VCL: variants seen among roughly 807,000 people sequenced by gnomAD.
VCL encodes the protein epididymis luminal protein 114.
In VCL, 47 loss-of-function variants were observed where a neutral mutation model predicts 125.7. The observed-to-expected ratio is 0.37, with a 90% confidence interval of 0.30 to 0.48. The LOEUF is 0.48. VCL is among the 20% of genes least tolerant of loss of function. The pLI is 0.99. For synonymous variants in VCL, 458 were observed against 514.6 expected (o/e 0.89, Z 1.49); for missense variants, 1,069 against 1,455.5 (o/e 0.73, Z 4.32).
chr10:74,082,569 G>A, intron 7 of VCL, 25 bp downstream of exon 7: 1 of 1,610,308 alleles, frequency 6.2e-7, no homozygotes, highest in South Asian at 1.1e-5. Flanking sequence ...CTGCTTTTCT[G>A]ATCAATACAA....
At chr10:74,060,525 G>A (rs568472568) in intron 2 of VCL, among the ~76,000 whole-genome samples, 20 of 151,516 alleles carry the variant, frequency 1.3e-4, no homozygotes, top group African/African-American at 4.4e-4. Flanking sequence ...GCATAGTGGC[G>A]CATTCCTGTA....
At chr10:74,105,939 C>T (rs1241549089) in intron 16 of VCL, among the ~76,000 whole-genome samples, 2 of 95,282 alleles carry the variant, frequency 2.1e-5, no homozygotes, top group Admixed American at 1.4e-4. Context: ...TTTTTTGAGA[C>T]GGAGTTTTGC....
intron 2 of VCL, among the ~76,000 whole-genome samples, chr10:74,053,129 G>A (rs1004242200): frequency 3.3e-5 from 5 of 151,862 alleles, no homozygotes; most frequent in African/African-American, 1.2e-4. Flanking sequence ...TTTGAAACAG[G>A]TTATGTAAGA....
chr10:74,071,066 C>G lies in VCL; in HGVS notation c.482C>G (p.Thr161Arg), dbSNP rs376226543. ...ACTATGGAAGATTTGGTCACTTACA[C>G]AAAGAATCTTGGGCCAGGTTAGTTT... Reference protein sequence around the residue: ...VETMEDLVTYTKNLGPGMTKM... With the variant: ...VETMEDLVTYRKNLGPGMTKM... The change falls in exon 4 of 22, where the codon ACA becomes AGA. Residue 161 changes from threonine to arginine, a missense_variant. Around this residue, in one of 6 missense-constraint regions of VCL, gnomAD observed 760 missense variants for 928.9 expected, o/e 0.82. Coordinates refer to ENST00000211998, the MANE Select transcript of VCL (RefSeq NM_014000.3). This position sits in a 1 kb window ranked among gnomAD's most constrained non-coding sequence, Gnocchi z 4.1. 4.3e-6 allele frequency: 7 copies of G among 1,614,084 alleles called. No homozygotes were observed. Among genetic ancestry groups the G allele is most frequent in the Non-Finnish European group, 5.9e-6 (7 of 1,179,950 alleles).
Position 74,114,852 on chromosome 10 carries a change from G to A in VCL, c.3211G>A (p.Ala1071Thr). ...TQLKILSTVKATMLGRTNISD... is the reference protein window; with the variant it reads ...TQLKILSTVKTTMLGRTNISD... ...GCTCAAAATCCTGTCCACAGTGAAGGCCACCATGCTGGGCCGGACCAACAT... is the reference window on the plus strand; with the variant it reads ...GCTCAAAATCCTGTCCACAGTGAAGACCACCATGCTGGGCCGGACCAACAT... Residue 1071 changes from alanine (A) to threonine (T), a missense_variant, in exon 21 of 22, where the codon GCC becomes ACC. Transcript: ENST00000211998. The A allele has an allele frequency of 2.5e-6, 4 of 1,608,184 alleles. No individual in the cohort carries two copies. The highest frequency in any genetic ancestry group is 3.4e-6 in the Non-Finnish European group (4 of 1,178,048).
chr10:74,066,536 A>G (rs1353055527), intron 2 of VCL, among the ~76,000 whole-genome samples: 1 of 152,208 alleles, frequency 6.6e-6, no homozygotes, highest in Non-Finnish European at 1.5e-5. Context: ...GTATGTATAC[A>G]TATATAGGTG....
chr10:74,043,066 T>A lies in VCL; in HGVS notation c.169-17T>A. The A allele has an allele frequency of 6.2e-7, 1 of 1,609,630 alleles. No individual in the cohort carries two copies. Reference sequence around the variant, plus strand: ...TGAGAATTTATATTTGAATTATGATTTTTTTTCCTCTTGTAGGTTGGAAAA... The same window carrying A: ...TGAGAATTTATATTTGAATTATGATATTTTTTCCTCTTGTAGGTTGGAAAA... On this transcript the variant is annotated splice_polypyrimidine_tract_variant and intron_variant, in intron 1 of 21. Transcript: ENST00000211998.
At chr10:74,036,979 T>C (rs968782042) in intron 1 of VCL, among the ~76,000 whole-genome samples, 5 of 151,960 alleles carry the variant, frequency 3.3e-5, no homozygotes, top group Admixed American at 6.5e-5. Context: ...GGCCCGATCT[T>C]GGCTCACTGC....
At chr10:74,079,133 T>G (rs1839639113) in intron 6 of VCL, among the ~76,000 whole-genome samples, 1 of 152,192 alleles carries the variant, frequency 6.6e-6, no homozygotes, top group Non-Finnish European at 1.5e-5. Context: ...AGCTTGTCGT[T>G]CCATCTTTTG....
In VCL at chr10:74,027,049, C is replaced by T. The variant is rs556340440; in HGVS notation, c.169-16034C>T. On this transcript the variant is annotated intron_variant, in intron 1 of 21. Transcript: ENST00000211998. ...ACTGAAACTATTAAGGAAAAAAATG[C>T]ATTTGCAGTTCTAGCTATAAGCAGA... Among the ~76,000 whole-genome samples the T allele has an allele frequency of 7.9e-5, 12 of 152,168 alleles. No homozygotes were observed. In the South Asian group the frequency reaches 2.5e-3, roughly 32 times the overall value.
intron 6 of VCL, chr10:74,077,857 G>A (rs1050863250): frequency 2.4e-5 from 7 of 287,724 alleles, no homozygotes; most frequent in Middle Eastern, 4.3e-4. Flanking sequence ...TATTCAAATT[G>A]CACATTTACA....
chr10:74,034,797 G>A (rs1190784699), intron 1 of VCL, among the ~76,000 whole-genome samples: 1 of 152,180 alleles, frequency 6.6e-6, no homozygotes, highest in Non-Finnish European at 1.5e-5. Context: ...AGGGGTGGAT[G>A]GATCACAAGT....
intron 2 of VCL, among the ~76,000 whole-genome samples, chr10:74,052,944 A>AT (rs1554815578): frequency 6.9e-5 from 9 of 130,280 alleles, no homozygotes; most frequent in East Asian, 6.6e-4. Flanking sequence ...ATGAAAAAAA[A>AT]AAATATATAT....
At chr10:74,020,866 G>A (rs1467797807) in intron 1 of VCL, among the ~76,000 whole-genome samples, 1 of 85,394 alleles carries the variant, frequency 1.2e-5, no homozygotes, top group African/African-American at 4.6e-5. Context: ...AAAAAAGAGA[G>A]CGAGAGATAA....
chr10:74,111,670 CT>C (rs1840220818), intron 18 of VCL, among the ~76,000 whole-genome samples: 1 of 152,150 alleles, frequency 6.6e-6, no homozygotes, highest in Admixed American at 6.5e-5. Context: ...TCTAGAAGCC[CT>C]TTGCCATTGG....
At chr10:74,001,868 T>G (rs2136220759) in intron 1 of VCL, among the ~76,000 whole-genome samples, 1 of 152,330 alleles carries the variant, frequency 6.6e-6, no homozygotes, top group Non-Finnish European at 1.5e-5. Context: ...TTTACATACG[T>G]ATGCCAAATT....
At chr10:74,048,498 T>A (rs1463071991) in intron 2 of VCL, among the ~76,000 whole-genome samples, 1 of 151,942 alleles carries the variant, frequency 6.6e-6, no homozygotes, top group Admixed American at 6.6e-5. Flanking sequence ...AATCATTTGT[T>A]CCTTTTGAGA....
At chr10:74,044,407 G>GA (rs1282750061) in intron 2 of VCL, among the ~76,000 whole-genome samples, 1 of 152,156 alleles carries the variant, frequency 6.6e-6, no homozygotes, top group Non-Finnish European at 1.5e-5. Flanking sequence ...TTCCAAAAAG[G>GA]TGTTTGAAGG....
chr10:74,096,677 A>C (rs1253904725), intron 12 of VCL, among the ~76,000 whole-genome samples: 1 of 152,210 alleles, frequency 6.6e-6, no homozygotes, highest in Non-Finnish European at 1.5e-5. Flanking sequence ...AGAAATTGAT[A>C]CAGATATTTG....
Sources: allele counts gnomAD v4.1 joint callset (sites outside exome capture counted in the v4.1 genomes callset), GRCh38; gene constraint gnomAD v4.1.1; regional missense constraint gnomAD v4.1.1; non-coding constraint Gnocchi (gnomAD v3.1); transcripts MANE v1.5; gene names NCBI Gene and HGNC (gene_info 2026-07-23, HGNC 2026-07-21).